The following PTPRR variants were observed in gnomAD, a reference collection of about 807,000 sequenced individuals.
The protein encoded by PTPRR is receptor-type tyrosine-protein phosphatase R.
In PTPRR, 38 loss-of-function variants were observed where a neutral mutation model predicts 77.2. That is an observed-to-expected ratio of 0.49 (90% CI 0.38 to 0.65). The LOEUF is 0.65. Among genes scored for constraint, PTPRR ranks in the 30% least tolerant of loss-of-function variants. PTPRR has a pLI of 0.00. For missense variants in PTPRR, 744 were observed against 799.2 expected (o/e 0.93, Z 0.83); for synonymous variants, 299 against 283.1 (o/e 1.06, Z -0.57).
At chr12:70,802,270 C>T (rs1891630148) in intron 2 of PTPRR, among the ~76,000 whole-genome samples, 1 of 152,174 alleles carries the variant, frequency 6.6e-6, no homozygotes. Flanking sequence ...TAAATTAATA[C>T]AACTTCGTAA....
intron 10 of PTPRR, among the ~76,000 whole-genome samples, chr12:70,667,038 C>T (rs1467425588): frequency 1.4e-5 from 2 of 142,452 alleles, no homozygotes; most frequent in Non-Finnish European, 3.0e-5. Context: ...TCACTGCAAG[C>T]TCCGCCTCCC....
chr12:70,764,307 C>T (rs867066913), intron 3 of PTPRR, among the ~76,000 whole-genome samples: 5 of 152,098 alleles, frequency 3.3e-5, no homozygotes, highest in South Asian at 2.1e-4. Context: ...AGAATATTTT[C>T]GGAGTAGTGT....
intron 1 of PTPRR, among the ~76,000 whole-genome samples, chr12:70,901,717 C>T (rs1474096150): frequency 6.6e-6 from 1 of 151,476 alleles, no homozygotes; most frequent in East Asian, 1.9e-4. Flanking sequence ...GGCCAATAAC[C>T]CAAAAGCAAA....
At chr12:70,887,509 TA>T (rs1565730953) in intron 2 of PTPRR, among the ~76,000 whole-genome samples, 1 of 152,034 alleles carries the variant, frequency 6.6e-6, no homozygotes, top group Non-Finnish European at 1.5e-5. Context: ...CAGGTTGAAG[TA>T]AAAAAATGCA....
chr12:70,730,379 C>T (rs993439882), intron 6 of PTPRR, among the ~76,000 whole-genome samples: 11 of 152,066 alleles, frequency 7.2e-5, no homozygotes, highest in Non-Finnish European at 1.6e-4. Context: ...GGCATGGTGA[C>T]GGGCACCTGT....
intron 10 of PTPRR, among the ~76,000 whole-genome samples, chr12:70,675,989 A>G (rs1360640195): frequency 1.3e-5 from 2 of 150,972 alleles, no homozygotes; most frequent in East Asian, 3.9e-4. Flanking sequence ...ACATTTACCT[A>G]TTCAGCCTAG....
At chr12:70,753,742 G>A (rs910585424) in intron 5 of PTPRR, among the ~76,000 whole-genome samples, 1 of 152,086 alleles carries the variant, frequency 6.6e-6, no homozygotes, top group Non-Finnish European at 1.5e-5. Flanking sequence ...ATGCTTTCAA[G>A]TCCTTTTAAA....
intron 2 of PTPRR, among the ~76,000 whole-genome samples, chr12:70,861,943 C>CTCTT (rs1225381220): frequency 2.0e-5 from 3 of 152,112 alleles, no homozygotes; most frequent in Non-Finnish European, 1.5e-5. Context: ...GATGGTCATG[C>CTCTT]TCTTTTAAGG....
chr12:70,809,368 T>C lies in PTPRR; in HGVS notation c.358-44590A>G, dbSNP rs1396670702. On this transcript the variant is annotated intron_variant, in intron 2 of 13. Coordinates refer to ENST00000283228, the MANE Select transcript of PTPRR (RefSeq NM_002849.4). Reference sequence around the variant, plus strand: ...CTACTCAGGATTGCTCATGTGTAGATTTCTTATATGTGAGAAGTTAAAATT... The same window carrying C: ...CTACTCAGGATTGCTCATGTGTAGACTTCTTATATGTGAGAAGTTAAAATT... 5.9e-5 allele frequency among the ~76,000 whole-genome samples: 9 copies of C among 152,182 alleles called. No individual in the cohort carries two copies. The South Asian group carries it at 1.9e-3, about 31-fold the overall frequency.
intron 6 of PTPRR, among the ~76,000 whole-genome samples, chr12:70,740,398 G>A (rs1260978990): frequency 5.3e-5 from 8 of 151,470 alleles, no homozygotes; most frequent in African/African-American, 1.9e-4. Flanking sequence ...TTTGAGACAG[G>A]GTCTCACTCT....
rs1887105414 is a variant in PTPRR at position 70,668,759 on chromosome 12, T to C, written c.1498-6154A>G. 2.0e-5 allele frequency among the ~76,000 whole-genome samples: 3 copies of C among 152,138 alleles called. No individual in the cohort carries two copies. In the South Asian group the frequency reaches 6.2e-4, roughly 31 times the overall value. ...GATTTTATAATGAAATTTAAGGCAA[T>C]GTACTCCATTAATGTATACTTACTA... On this transcript the variant is annotated intron_variant, in intron 10 of 13. Coordinates refer to ENST00000283228, the MANE Select transcript of PTPRR (RefSeq NM_002849.4).
At chr12:70,724,257 A>G (rs1889357949) in intron 6 of PTPRR, among the ~76,000 whole-genome samples, 1 of 152,172 alleles carries the variant, frequency 6.6e-6, no homozygotes, top group Admixed American at 6.5e-5. Flanking sequence ...TGTCACTACC[A>G]GTATAGTGGT....
At chr12:70,660,089 A>G (rs1886738875) in intron 12 of PTPRR, among the ~76,000 whole-genome samples, 3 of 151,990 alleles carry the variant, frequency 2.0e-5, no homozygotes, top group Non-Finnish European at 4.4e-5. Context: ...AGGCAGGGGA[A>G]TCACTTGAGC....
At chr12:70,818,524 CAGA>C (rs1378677348) in intron 2 of PTPRR, among the ~76,000 whole-genome samples, 2 of 152,008 alleles carry the variant, frequency 1.3e-5, no homozygotes, top group South Asian at 2.1e-4. Flanking sequence ...GAGATCATTG[CAGA>C]AGAAGATTGA....
At chr12:70,880,564 T>C (rs11615544) in intron 2 of PTPRR, among the ~76,000 whole-genome samples, 18,475 of 152,120 alleles carry the variant, frequency 0.12, 2,068 homozygotes, top group African/African-American at 0.3. Flanking sequence ...TGTTTACTTG[T>C]TTTGTTGTCT....
At chr12:70,721,306 C>G (rs1305328527) in intron 6 of PTPRR, among the ~76,000 whole-genome samples, 2 of 152,176 alleles carry the variant, frequency 1.3e-5, no homozygotes, top group Admixed American at 1.3e-4. Flanking sequence ...AAACTTCTGT[C>G]TAAGAATAGG....
At chr12:70,668,197 GT>G (rs1887080709) in intron 10 of PTPRR, among the ~76,000 whole-genome samples, 1 of 151,962 alleles carries the variant, frequency 6.6e-6, no homozygotes, top group Non-Finnish European at 1.5e-5. Flanking sequence ...TAGTGTAATG[GT>G]GAGGAGGAGG....
At chr12:70,672,175 C>T (rs577421720) in intron 10 of PTPRR, 2 of 1,535,610 alleles carry the variant, frequency 1.3e-6, no homozygotes, top group South Asian at 2.3e-5. Context: ...CCTTGGGTGC[C>T]CAGTTGCCAG....
chr12:70,702,820 G>C (rs1888479001), intron 6 of PTPRR, among the ~76,000 whole-genome samples: 1 of 152,046 alleles, frequency 6.6e-6, no homozygotes, highest in Non-Finnish European at 1.5e-5. Context: ...ATTAGAGAAT[G>C]GCTGGCCTTT....
Sources: gnomAD v4.1 joint callset for allele counts (sites outside exome capture counted in the v4.1 genomes callset) on GRCh38, gnomAD v4.1.1 for gene constraint, MANE v1.5 for transcripts, NCBI Gene and HGNC (gene_info 2026-07-23, HGNC 2026-07-21) for gene names.